NAV2: variants seen among roughly 807,000 people sequenced by gnomAD.
NAV2 encodes the protein neuron navigator 2.
Under a neutral mutation model 223.2 loss-of-function variants are expected in NAV2, and 54 were observed. That is an observed-to-expected ratio of 0.24 (90% CI 0.19 to 0.30). The LOEUF (loss-of-function observed/expected upper bound fraction) is 0.30. NAV2 is among the 10% of genes least tolerant of loss of function. The probability of loss-of-function intolerance (pLI) is 1.00; values close to 1 mark genes in which losing one functional copy is unlikely to be tolerated. For missense variants in NAV2, 2,806 were observed against 3,147.5 expected (o/e 0.89, Z 2.60); for synonymous variants, 1,279 against 1,239.3 (o/e 1.03, Z -0.67).
At chr11:19,694,824 A>G (rs2049282343) in intron 1 of NAV2, among the ~76,000 whole-genome samples, 1 of 152,190 alleles carries the variant, frequency 6.6e-6, no homozygotes, top group Non-Finnish European at 1.5e-5. Context: ...TTCTTGTCAC[A>G]TTAGCTCTCC....
At chr11:19,748,621 T>C (rs2053562936) in intron 1 of NAV2, among the ~76,000 whole-genome samples, 1 of 152,216 alleles carries the variant, frequency 6.6e-6, no homozygotes, top group African/African-American at 2.4e-5. Context: ...GGAATGCATA[T>C]CTGTTAAATG....
At chr11:19,653,188 A>T (rs2048019110) in intron 1 of NAV2, among the ~76,000 whole-genome samples, 1 of 152,200 alleles carries the variant, frequency 6.6e-6, no homozygotes, top group African/African-American at 2.4e-5. Context: ...TCTATCTCTG[A>T]TGTGGCTGTG....
At chr11:19,431,784 A>G (rs930780517) in intron 1 of NAV2, among the ~76,000 whole-genome samples, 1 of 152,264 alleles carries the variant, frequency 6.6e-6, no homozygotes, top group African/African-American at 2.4e-5. Context: ...AGATTTGCAC[A>G]TATAGGTGCA....
In NAV2 at chr11:20,035,941, G is replaced by T; in HGVS notation, c.2769-18G>T. The T allele has an allele frequency of 6.2e-7, 1 of 1,614,064 alleles. No homozygotes were observed. The highest frequency in any genetic ancestry group is 8.5e-7 in the Non-Finnish European group (1 of 1,179,980). On this transcript the variant is annotated intron_variant, in intron 11 of 37. Coordinates refer to ENST00000349880, the MANE Select transcript of NAV2 (RefSeq NM_145117.5). The stretch of plus-strand genomic sequence containing the variant: ...AGCCTGAGGTTTTGGTGCTCAGGAT[G>T]TGTGTTTGTCTTGGCAGCTGGGACG...
intron 1 of NAV2, among the ~76,000 whole-genome samples, chr11:19,559,422 G>A (rs954136406): frequency 1.2e-4 from 18 of 152,164 alleles, no homozygotes; most frequent in Admixed American, 3.3e-4. Flanking sequence ...ATATAGTAAA[G>A]ACAACCACCA....
chr11:19,880,742 G>A (rs2063152381), intron 5 of NAV2, among the ~76,000 whole-genome samples: 1 of 152,068 alleles, frequency 6.6e-6, no homozygotes, highest in African/African-American at 2.4e-5. Flanking sequence ...GGGGACTGAC[G>A]TTTGCCAGTC....
chr11:20,008,585 C>T (rs2053289019), intron 11 of NAV2, among the ~76,000 whole-genome samples: 1 of 152,182 alleles, frequency 6.6e-6, no homozygotes, highest in Non-Finnish European at 1.5e-5. Context: ...GAAAGTCATT[C>T]ACACCAAAGC....
intron 6 of NAV2, among the ~76,000 whole-genome samples, chr11:19,918,727 A>C (rs1303264865): frequency 6.6e-6 from 1 of 152,242 alleles, no homozygotes; most frequent in East Asian, 1.9e-4. Flanking sequence ...CATGGACCCC[A>C]GGACATTTTA....
chr11:19,587,190 T>C (rs1207625458), intron 1 of NAV2, among the ~76,000 whole-genome samples: 2 of 152,232 alleles, frequency 1.3e-5, no homozygotes, highest in African/African-American at 4.8e-5. Context: ...GTGCAGGATA[T>C]AATTTCTTGG....
intron 1 of NAV2, among the ~76,000 whole-genome samples, chr11:19,519,442 G>A (rs2043572132): frequency 6.6e-6 from 1 of 152,188 alleles, no homozygotes; most frequent in Non-Finnish European, 1.5e-5. Flanking sequence ...TATGGGTGGA[G>A]CAACTGAGGC....
At position 19,933,518 on chromosome 11, in the gene NAV2, C is replaced by T. The variant is rs950954384; in HGVS notation, c.1274C>T (p.Thr425Ile). Reference sequence around the variant, plus strand: ...GGTGAGGGGCCGGGGTCCCGGGACACAAGCTGTGAGCGGCTGGAGACTCTG... The same window carrying T: ...GGTGAGGGGCCGGGGTCCCGGGACATAAGCTGTGAGCGGCTGGAGACTCTG... ...KAGEGPGSRD[T>I]SCERLETLPS... is the part of the protein sequence containing the mutation. The change falls in exon 7 of 38, where the codon ACA becomes ATA. Residue 425 changes from threonine to isoleucine, a missense_variant. Transcript: ENST00000349880. The surrounding 1 kb of genome is among the most constrained non-coding windows in gnomAD (Gnocchi z 4.3). The T allele has an allele frequency of 1.3e-5, 21 of 1,610,436 alleles. No homozygotes were observed. Among genetic ancestry groups the T allele is most frequent in the Non-Finnish European group, 1.6e-5 (19 of 1,178,482 alleles).
intron 28 of NAV2, among the ~76,000 whole-genome samples, chr11:20,092,579 A>G (rs1363260409): frequency 6.6e-6 from 1 of 152,098 alleles, no homozygotes; most frequent in African/African-American, 2.4e-5. Flanking sequence ...CAGCACCCCA[A>G]ATTCTCCAAG....
intron 1 of NAV2, among the ~76,000 whole-genome samples, chr11:19,670,349 A>T (rs1276459979): frequency 6.6e-6 from 1 of 152,172 alleles, no homozygotes; most frequent in Non-Finnish European, 1.5e-5. Context: ...TAGGAACTCC[A>T]CAAGGAAAAG....
intron 21 of NAV2, 45 bp downstream of exon 21, chr11:20,068,254 A>C: frequency 6.2e-7 from 1 of 1,611,872 alleles, no homozygotes; most frequent in Non-Finnish European, 8.5e-7. Context: ...AAGTATTGTC[A>C]ATTATTTGAC....
rs1006916753 is a variant in NAV2, at chr11:20,044,658, G to A, written c.3200-310G>A. Among the ~76,000 whole-genome samples, 16 of 152,268 alleles carry A rather than the reference G, an allele frequency of 1.1e-4. No homozygotes were observed. The South Asian group carries it at 2.3e-3, about 22-fold the overall frequency. On this transcript the variant is annotated intron_variant, in intron 13 of 37. Transcript: ENST00000349880. ...ATCCCCTGGACATGTTAGGGACAGCGCTTTAATGGACAGAGGGTGAAAGAT... is the reference window on the plus strand; with the variant it reads ...ATCCCCTGGACATGTTAGGGACAGCACTTTAATGGACAGAGGGTGAAAGAT...
intron 1 of NAV2, among the ~76,000 whole-genome samples, chr11:19,631,883 G>A (rs1040843278): frequency 6.6e-6 from 1 of 152,210 alleles, no homozygotes; most frequent in Admixed American, 6.5e-5. Flanking sequence ...GTCTTCCCAG[G>A]AGACAGCTCA....
At chr11:19,766,321 A>G (rs2055219846) in intron 1 of NAV2, among the ~76,000 whole-genome samples, 2 of 152,120 alleles carry the variant, frequency 1.3e-5, no homozygotes, top group East Asian at 1.9e-4. Flanking sequence ...GGCCAGTTCC[A>G]TGTGCTGTCA....
intron 1 of NAV2, among the ~76,000 whole-genome samples, chr11:19,830,557 G>T (rs1375802707): frequency 6.6e-6 from 1 of 152,198 alleles, no homozygotes; most frequent in Non-Finnish European, 1.5e-5. Flanking sequence ...AAATGTTTAT[G>T]TCAGTGCCTG....
chr11:19,711,497 C>T (rs1030472799), upstream of NAV2: 2 of 152,196 alleles, frequency 1.3e-5, no homozygotes, highest in Non-Finnish European at 2.9e-5. Context: ...GCTCCACTGT[C>T]TTGACCTTAT....
Sources: gnomAD v4.1 joint callset for allele counts (sites outside exome capture counted in the v4.1 genomes callset) on GRCh38, gnomAD v4.1.1 for gene constraint, Gnocchi (gnomAD v3.1) non-coding constraint, MANE v1.5 for transcripts, NCBI Gene and HGNC (gene_info 2026-07-23, HGNC 2026-07-21) for gene names.